Variants in TUBA3C observed in about 807,000 individuals in gnomAD.
TUBA3C encodes tubulin alpha 3c, also known as tubulin alpha-3C chain.
Under a neutral mutation model 33.4 loss-of-function variants are expected in TUBA3C, and 23 were observed. The ratio of observed to expected loss-of-function variants is 0.69; its 90% CI spans 0.50 to 0.98. TUBA3C has a LOEUF of 0.98. Among genes scored for constraint, TUBA3C ranks in the 50% least tolerant of loss-of-function variants. TUBA3C has a pLI of 0.00. For synonymous variants in TUBA3C, 269 were observed against 250.4 expected (o/e 1.07, Z -0.70); for missense variants, 402 against 616.0 (o/e 0.65, Z 3.68).
Position 19,181,731 on chromosome 13 carries a change from T to G in TUBA3C, c.3+14A>C. The G allele has an allele frequency of 6.2e-7, 1 of 1,601,774 alleles. No individual in the cohort carries two copies. Among genetic ancestry groups the G allele is most frequent in the South Asian group, 1.1e-5 (1 of 91,038 alleles). On this transcript the variant is annotated intron_variant, in intron 1 of 4. Coordinates refer to ENST00000400113, the MANE Select transcript of TUBA3C (RefSeq NM_006001.3). ...AGCCTGGGCGTCTGCGGGGTGGGAG[T>G]GACCTGGCCTTACCATGTTGAGCTC...
rs756389311 is a variant in TUBA3C at position 19,173,820 on chromosome 13, G to T, written c.*43C>A. ...TTGCAAAGAACTTGAAAGCAGCCAC[G>T]CTGGGGGTGGCAGTGGAGTGGAGAA... On this transcript the variant is annotated 3_prime_UTR_variant, in exon 5 of 5. Transcript: ENST00000400113. The T allele has an allele frequency of 6.3e-7, 1 of 1,581,750 alleles. No individual in the cohort carries two copies. Among genetic ancestry groups the T allele is most frequent in the Non-Finnish European group, 8.6e-7 (1 of 1,163,054 alleles).
intron 4 of TUBA3C, among the ~76,000 whole-genome samples, chr13:19,175,130 T>C (rs1363774327): frequency 6.6e-6 from 1 of 152,094 alleles, no homozygotes; most frequent in Non-Finnish European, 1.5e-5. Flanking sequence ...CGGGCGCCTG[T>C]AGTCCCAGCT....
intron 2 of TUBA3C, among the ~76,000 whole-genome samples, chr13:19,178,699 A>G (rs1405705693): frequency 6.6e-6 from 1 of 152,206 alleles, no homozygotes; most frequent in East Asian, 1.9e-4. Context: ...AGGTAATTCT[A>G]CAGGTACATA....
rs763300253 is a variant in TUBA3C, at chr13:19,174,099, G to A, written c.1117C>T (p.Arg373Trp). Residue 373 changes from arginine to tryptophan, a missense_variant, in exon 5 of 5, where the codon CGG becomes TGG. Physicochemically the swap from Arg to Trp is moderately radical, Grantham distance 101 (BLOSUM62 -3). Coordinates refer to ENST00000400113, the MANE Select transcript of TUBA3C (RefSeq NM_006001.3). ...VPGGDLAKVQ[R>W]AVCMLSNTTA... ...GTGTTGCTCAGCATGCACACAGCCC[G>A]CTGCACCTTGGCCAGGTCTCCCCCA... 5.6e-6 allele frequency: 9 copies of A among 1,613,890 alleles called. No individual in the cohort carries two copies. Among genetic ancestry groups the A allele is most frequent in the East Asian group, 4.5e-5 (2 of 44,782 alleles).
At chr13:19,178,219 TG>T in intron 3 of TUBA3C, 26 bp downstream of exon 3, 4 of 1,613,508 alleles carry the variant, frequency 2.5e-6, no homozygotes, top group Non-Finnish European at 3.4e-6. Context: ...TGCAGGACAA[TG>T]GTCACATGAA....
chr13:19,181,797 G>A lies in TUBA3C; in HGVS notation c.-50C>T, dbSNP rs201294032. 2.9e-4 allele frequency: 468 copies of A among 1,597,690 alleles called. No homozygotes were observed. Among genetic ancestry groups the A allele is most frequent in the African/African-American group, 1.2e-3 (91 of 74,990 alleles). ...CCAACGCTACTACTTGACCTCAACCGCCGCTGCAGCTGCGCACGCCCAACG... is the reference window on the plus strand; with the variant it reads ...CCAACGCTACTACTTGACCTCAACCACCGCTGCAGCTGCGCACGCCCAACG... On this transcript the variant is annotated 5_prime_UTR_variant, in exon 1 of 5. Transcript: ENST00000400113.
intron 3 of TUBA3C, among the ~76,000 whole-genome samples, 158 bp downstream of exon 3, chr13:19,178,088 T>C (rs1171421422): frequency 6.6e-6 from 1 of 152,178 alleles, no homozygotes; most frequent in Non-Finnish European, 1.5e-5. Flanking sequence ...TTCAGGTGAC[T>C]GCCCACCTTG....
chr13:19,176,064 G>A (rs1171868885), intron 4 of TUBA3C, among the ~76,000 whole-genome samples: 2 of 152,134 alleles, frequency 1.3e-5, no homozygotes, highest in African/African-American at 4.8e-5. Flanking sequence ...TTTTAGTGGA[G>A]AGCTGTGATC....
chr13:19,176,095 G>A (rs1869169953), intron 4 of TUBA3C, among the ~76,000 whole-genome samples: 1 of 150,548 alleles, frequency 6.6e-6, no homozygotes, highest in Non-Finnish European at 1.5e-5. Flanking sequence ...ACTCCAGCCT[G>A]GGTGACAGGT....
chr13:19,175,607 C>G (rs527979951), intron 4 of TUBA3C, among the ~76,000 whole-genome samples: 6 of 152,270 alleles, frequency 3.9e-5, no homozygotes, highest in Admixed American at 3.9e-4. Flanking sequence ...GGACTAGCCA[C>G]CTAATTTTGT....
Position 19,178,365 on chromosome 13 carries a change from G to T in TUBA3C, c.256C>A (p.Leu86Ile), listed in dbSNP as rs746391101. ...DEVRTGTYRQLFHPEQLITGK... is the reference protein window; with the variant it reads ...DEVRTGTYRQIFHPEQLITGK... ...GTGATCAGCTGCTCTGGGTGGAAGAGCTGCCTATAGGTTCCTGTGCGCACT... is the reference window on the plus strand; with the variant it reads ...GTGATCAGCTGCTCTGGGTGGAAGATCTGCCTATAGGTTCCTGTGCGCACT... The change falls in exon 3 of 5, where the codon CTC (leucine) becomes ATC (isoleucine). Residue 86 changes from leucine to isoleucine, a missense_variant. By Grantham distance (5) the Leu-to-Ile change is conservative (BLOSUM62 2). Transcript: ENST00000400113. The T allele has an allele frequency of 6.2e-7, 1 of 1,614,032 alleles. No homozygotes were observed. The highest frequency in any genetic ancestry group is 1.7e-5 in the Admixed American group (1 of 59,996).
chr13:19,178,452 C>A lies in TUBA3C; in HGVS notation c.227-58G>T, dbSNP rs115745664. On this transcript the variant is annotated intron_variant, in intron 2 of 4. Coordinates refer to ENST00000400113, the MANE Select transcript of TUBA3C (RefSeq NM_006001.3). ...TAAGGCCTATACTCACCAAGATGGACACATTCCAGGACTGTTCACTTCTAC... is the reference window on the plus strand; with the variant it reads ...TAAGGCCTATACTCACCAAGATGGAAACATTCCAGGACTGTTCACTTCTAC... 5.4e-4 allele frequency: 870 copies of A among 1,601,378 alleles called. 5 individuals carry two copies. In the African/African-American group the frequency reaches 0.011, roughly 20 times the overall value.
At position 19,181,776 on chromosome 13, in the gene TUBA3C, C is replaced by G; in HGVS notation, c.-29G>C. The G allele has an allele frequency of 3.1e-6, 5 of 1,601,386 alleles. No homozygotes were observed. The highest frequency in any genetic ancestry group is 3.4e-6 in the Non-Finnish European group (4 of 1,179,136). On this transcript the variant is annotated 5_prime_UTR_variant, in exon 1 of 5. Transcript: ENST00000400113. ...GAGCTCCTCCGCTGCCGCAGCCCAA[C>G]GCTACTACTTGACCTCAACCGCCGC...
At position 19,181,753 on chromosome 13, in the gene TUBA3C, G is replaced by C; in HGVS notation, c.-6C>G. ...GAGTGACCTGGCCTTACCATGTTGA[G>C]CTCCTCCGCTGCCGCAGCCCAACGC... On this transcript the variant is annotated 5_prime_UTR_variant, in exon 1 of 5. Transcript: ENST00000400113. The C allele has an allele frequency of 6.2e-7, 1 of 1,602,412 alleles. No homozygotes were observed.
Position 19,174,056 on chromosome 13 carries a change from G to T in TUBA3C, c.1160C>A (p.Ala387Asp). Residue 387 changes from alanine (A) to aspartate (D), a missense_variant, in exon 5 of 5, where the codon GCC becomes GAC. Physicochemically the swap from Ala to Asp is moderately radical, Grantham distance 126. Coordinates refer to ENST00000400113, the MANE Select transcript of TUBA3C (RefSeq NM_006001.3). ...GAACTTATGGTCCAGGCGAGCCCAG[G>T]CCTCCGCGATGGCCGTGGTGTTGCT... The part of the protein sequence containing the change: ...MLSNTTAIAE[A>D]WARLDHKFDL... 6.2e-7 allele frequency: 1 copy of T among 1,613,992 alleles called. No homozygotes were observed. Among genetic ancestry groups the T allele is most frequent in the Non-Finnish European group, 8.5e-7 (1 of 1,180,038 alleles).
intron 1 of TUBA3C, 62 bp from the exon 2 acceptor site, chr13:19,179,625 T>A: frequency 6.5e-7 from 1 of 1,542,710 alleles, no homozygotes; most frequent in Non-Finnish European, 8.7e-7. Context: ...CTATATGGTA[T>A]GCAAAATATT....
Position 19,178,409 on chromosome 13 carries a change from G to C in TUBA3C, c.227-15C>G. 1 of 1,613,742 alleles carries C rather than the reference G, an allele frequency of 6.2e-7. No homozygotes were observed. Among genetic ancestry groups the C allele is most frequent in the Middle Eastern group, 1.7e-4 (1 of 6,060 alleles). ...GCGCACTTCATCTACAAAAGAGACC[G>C]TATGTACTGTGAATCTTTAAGGCCT... On this transcript the variant is annotated splice_polypyrimidine_tract_variant and intron_variant, in intron 2 of 4. Coordinates refer to ENST00000400113, the MANE Select transcript of TUBA3C (RefSeq NM_006001.3).
chr13:19,181,803 GCAGCTGCGCACGCCCAACGA>G lies in TUBA3C; in HGVS notation c.-76_-57del, dbSNP rs1345765801. ...CTACTACTTGACCTCAACCGCCGCT[GCAGCTGCGCACGCCCAACGA>G]CAGCCTCCCGCCGTGCGCTGTCTGG... On this transcript the variant is annotated 5_prime_UTR_variant, in exon 1 of 5. Coordinates refer to ENST00000400113, the MANE Select transcript of TUBA3C (RefSeq NM_006001.3). 2.5e-6 allele frequency: 4 copies of G among 1,595,720 alleles called. No individual in the cohort carries two copies. In the East Asian group the frequency reaches 8.9e-5, roughly 36 times the overall value.
intron 1 of TUBA3C, among the ~76,000 whole-genome samples, chr13:19,180,050 C>T (rs575189360): frequency 1.1e-4 from 16 of 152,246 alleles, no homozygotes; most frequent in Admixed American, 2.0e-4. Flanking sequence ...ATTCACCACC[C>T]GCCCTGTGCT....
Sources: gnomAD v4.1 joint callset for allele counts (sites outside exome capture counted in the v4.1 genomes callset) on GRCh38, gnomAD v4.1.1 for gene constraint, MANE v1.5 for transcripts, NCBI Gene and HGNC (gene_info 2026-07-23, HGNC 2026-07-21) for gene names.